MAML2: variants seen among roughly 807,000 people sequenced by gnomAD.
MAML2 encodes the protein mastermind-like protein 2.
MAML2 carries 22 observed loss-of-function variants against 96.1 expected under a neutral mutation model. The ratio of observed to expected loss-of-function variants is 0.23; its 90% CI spans 0.16 to 0.33. The LOEUF is 0.33. Ranked by LOEUF, MAML2 falls within the 10% of genes least tolerant of loss-of-function variation. The pLI, the probability that MAML2 is intolerant of heterozygous loss-of-function variation, is 1.00. For missense variants in MAML2, 1,367 were observed against 1,392.4 expected, an observed-to-expected ratio of 0.98 and a Z score of 0.29; for synonymous variants, 561 against 521.3, an observed-to-expected ratio of 1.08 and a Z score of -1.04.
At chr11:96,018,649 T>C (rs1042396328) in intron 2 of MAML2, among the ~76,000 whole-genome samples, 28 of 152,292 alleles carry the variant, frequency 1.8e-4, no homozygotes, top group African/African-American at 6.3e-4. Flanking sequence ...CAGGCTGGAG[T>C]GCAGTGGCAC....
At chr11:95,994,385 C>T (rs1281028703) in intron 2 of MAML2, among the ~76,000 whole-genome samples, 1 of 152,180 alleles carries the variant, frequency 6.6e-6, no homozygotes, top group Non-Finnish European at 1.5e-5. Context: ...ACTTCACCGC[C>T]TGTGTTCTAT....
At chr11:96,043,815 T>C (rs1226965472) in intron 2 of MAML2, among the ~76,000 whole-genome samples, 1 of 152,174 alleles carries the variant, frequency 6.6e-6, no homozygotes, top group Non-Finnish European at 1.5e-5. Context: ...GTTGAAAGGA[T>C]TAGAAAAACA....
intron 2 of MAML2, among the ~76,000 whole-genome samples, chr11:96,044,431 T>C (rs1449629912): frequency 1.3e-5 from 2 of 152,160 alleles, no homozygotes; most frequent in East Asian, 3.8e-4. Context: ...GGGTATAAAA[T>C]TCCCCCCATT....
intron 3 of MAML2, among the ~76,000 whole-genome samples, chr11:95,986,492 G>A (rs114146149): frequency 2.2e-3 from 335 of 152,056 alleles, no homozygotes; most frequent in African/African-American, 7.7e-3. Flanking sequence ...GAACAACCGC[G>A]CCCAGCTCTG....
At chr11:96,017,566 T>C (rs1420431729) in intron 2 of MAML2, among the ~76,000 whole-genome samples, 2 of 152,106 alleles carry the variant, frequency 1.3e-5, no homozygotes, top group African/African-American at 4.8e-5. Context: ...AAATAATATA[T>C]GATGATAAAT....
rs938224883 is a variant in MAML2, at chr11:96,336,152, T to C, written c.513+5231A>G. On this transcript the variant is annotated intron_variant, in intron 1 of 4. Transcript: ENST00000524717. ...ATTCATACAGCTAGTAAGTATAACA[T>C]AGGGACCTGAACATGGTCTAACTAT... Among the ~76,000 whole-genome samples the C allele has an allele frequency of 3.4e-5, 5 of 145,302 alleles. No individual in the cohort carries two copies. The East Asian group carries it at 7.7e-4, about 22-fold the overall frequency.
chr11:96,045,957 C>T (rs996485537), intron 2 of MAML2, among the ~76,000 whole-genome samples: 15 of 149,116 alleles, frequency 1.0e-4, no homozygotes, highest in Non-Finnish European at 1.8e-4. Context: ...TGCCCTTGGC[C>T]TTCTGTTTTG....
intron 1 of MAML2, among the ~76,000 whole-genome samples, chr11:96,282,370 T>C (rs1289295141): frequency 6.6e-6 from 1 of 152,120 alleles, no homozygotes; most frequent in Non-Finnish European, 1.5e-5. Flanking sequence ...GCTCAAGCAA[T>C]TTGAGTGGAT....
At chr11:96,302,445 G>A (rs1863398252) in intron 1 of MAML2, among the ~76,000 whole-genome samples, 1 of 152,106 alleles carries the variant, frequency 6.6e-6, no homozygotes, top group African/African-American at 2.4e-5. Context: ...ATGTGGTCTG[G>A]GTGGGGCTGT....
At chr11:96,260,402 C>T (rs1228094681) in intron 1 of MAML2, among the ~76,000 whole-genome samples, 1 of 152,170 alleles carries the variant, frequency 6.6e-6, no homozygotes, top group Non-Finnish European at 1.5e-5. Context: ...TGGCCGTCTC[C>T]TTTTTAGAAG....
intron 2 of MAML2, among the ~76,000 whole-genome samples, chr11:96,045,053 T>G (rs1590979048): frequency 6.6e-6 from 1 of 151,586 alleles, no homozygotes; most frequent in Non-Finnish European, 1.5e-5. Context: ...ATATCCATCC[T>G]GCACTTCACC....
At chr11:96,101,881 T>C (rs887854430) in intron 1 of MAML2, among the ~76,000 whole-genome samples, 3 of 152,234 alleles carry the variant, frequency 2.0e-5, no homozygotes, top group Admixed American at 6.5e-5. Context: ...AACAGATACT[T>C]ATTTAGCACC....
At chr11:96,210,004 T>C (rs537761341) in intron 1 of MAML2, among the ~76,000 whole-genome samples, 2 of 152,340 alleles carry the variant, frequency 1.3e-5, no homozygotes, top group African/African-American at 2.4e-5. Flanking sequence ...ATTTAGACAA[T>C]CAGTAGTTAA....
At chr11:96,081,991 T>C (rs1859535207) in intron 2 of MAML2, among the ~76,000 whole-genome samples, 1 of 152,250 alleles carries the variant, frequency 6.6e-6, no homozygotes. Context: ...AGCCTACATA[T>C]ACACACACCC....
At chr11:96,314,347 A>G (rs1462751822) in intron 1 of MAML2, among the ~76,000 whole-genome samples, 1 of 152,256 alleles carries the variant, frequency 6.6e-6, no homozygotes, top group East Asian at 1.9e-4. Context: ...ATTATTTCAA[A>G]GACAACACCT....
intron 1 of MAML2, among the ~76,000 whole-genome samples, chr11:96,268,669 G>C (rs1037532218): frequency 1.3e-5 from 2 of 152,158 alleles, no homozygotes; most frequent in African/African-American, 2.4e-5. Flanking sequence ...CCCAGTGGGA[G>C]GTAATTGAAT....
chr11:96,268,131 T>G (rs1161169154), intron 1 of MAML2, among the ~76,000 whole-genome samples: 2 of 152,222 alleles, frequency 1.3e-5, no homozygotes, highest in African/African-American at 4.8e-5. Flanking sequence ...TTTGGATATC[T>G]TTATTTAACT....
intron 2 of MAML2, among the ~76,000 whole-genome samples, chr11:96,057,859 G>A (rs1050943711): frequency 6.6e-6 from 1 of 152,174 alleles, no homozygotes; most frequent in African/African-American, 2.4e-5. Flanking sequence ...TGATCTTTAA[G>A]GAAAATCCAC....
chr11:95,999,688 C>T (rs1276085322), intron 2 of MAML2, among the ~76,000 whole-genome samples: 1 of 152,004 alleles, frequency 6.6e-6, no homozygotes, highest in Non-Finnish European at 1.5e-5. Context: ...TGATTTTCCC[C>T]CCACAAAAAT....
Sources: gnomAD v4.1 joint callset for allele counts (sites outside exome capture counted in the v4.1 genomes callset) on GRCh38, gnomAD v4.1.1 for gene constraint, MANE v1.5 for transcripts, NCBI Gene and HGNC (gene_info 2026-07-23, HGNC 2026-07-21) for gene names.